Variants in FCHSD2 observed in about 807,000 individuals in gnomAD.
FCHSD2 encodes the protein F-BAR and double SH3 domains protein 2.
In FCHSD2, 38 loss-of-function variants were observed where a neutral mutation model predicts 108.1. The observed-to-expected ratio is 0.35, with a 90% CI of 0.27 to 0.46. FCHSD2 has a LOEUF of 0.46. Among genes scored for constraint, FCHSD2 ranks in the 20% least tolerant of loss-of-function variants. The pLI, the probability that FCHSD2 is intolerant of heterozygous loss-of-function variation, is 1.00. For synonymous variants in FCHSD2, 279 were observed against 314.7 expected (o/e 0.89, Z 1.20); for missense variants, 751 against 897.8 (o/e 0.84, Z 2.09).
At chr11:72,857,544 T>C (rs1047925697) in intron 13 of FCHSD2, among the ~76,000 whole-genome samples, 1 of 151,346 alleles carries the variant, frequency 6.6e-6, no homozygotes, top group Non-Finnish European at 1.5e-5. Context: ...GTTCAAGCGA[T>C]TCTCCTGCCT....
rs1290635089 is a variant in FCHSD2 at position 73,071,209 on chromosome 11, T to TA, written c.165+12485dup. Among the ~76,000 whole-genome samples the TA allele has an allele frequency of 2.0e-5, 3 of 152,358 alleles. No homozygotes were observed. In the South Asian group the frequency reaches 6.2e-4, roughly 32 times the overall value. The stretch of plus-strand genomic sequence containing the variant: ...TCCTGATCTCTCTACTCCCTCTTCC[T>TA]AGTTTTGCACTTCAGAGTTACAAAA... On this transcript the variant is annotated intron_variant, in intron 3 of 19. Transcript: ENST00000409418.
At chr11:72,969,496 G>A (rs982762708) in intron 8 of FCHSD2, among the ~76,000 whole-genome samples, 1 of 152,184 alleles carries the variant, frequency 6.6e-6, no homozygotes, top group Admixed American at 6.5e-5. Context: ...TTTGAGGGTA[G>A]AGAGTATTTG....
chr11:73,070,580 T>A (rs556680839), intron 3 of FCHSD2, among the ~76,000 whole-genome samples: 1 of 152,040 alleles, frequency 6.6e-6, no homozygotes, highest in Admixed American at 6.5e-5. Context: ...CCTGCCACCA[T>A]GTCTGGCTAA....
chr11:72,947,263 G>GT (rs1856538301), intron 8 of FCHSD2, among the ~76,000 whole-genome samples: 2 of 152,228 alleles, frequency 1.3e-5, no homozygotes, highest in Non-Finnish European at 2.9e-5. Context: ...AAGAAATGCT[G>GT]TGTGTCACAA....
intron 3 of FCHSD2, among the ~76,000 whole-genome samples, chr11:73,046,654 G>A (rs181367368): frequency 6.6e-4 from 101 of 152,108 alleles, no homozygotes; most frequent in Middle Eastern, 3.4e-3. Flanking sequence ...GATAGACTTC[G>A]CTTACAAGGA....
At chr11:72,892,693 C>T (rs1458779834) in intron 10 of FCHSD2, among the ~76,000 whole-genome samples, 1 of 152,086 alleles carries the variant, frequency 6.6e-6, no homozygotes, top group Non-Finnish European at 1.5e-5. Context: ...CAACCTCCAC[C>T]TCCTGGGTTC....
rs963077341 is a variant in FCHSD2 at position 72,837,135 on chromosome 11, TA to T, written c.*1655del. The stretch of plus-strand genomic sequence containing the variant: ...AATATGTTAGCAAACTTTAAAATCT[TA>T]AAAAAACCACCCTTTTAATTTCTTT... On this transcript the variant is annotated 3_prime_UTR_variant, in exon 20 of 20. Transcript: ENST00000409418. 3 of 152,074 alleles carry T rather than the reference TA, an allele frequency of 2.0e-5. No homozygotes were observed. The highest frequency in any genetic ancestry group is 1.9e-4 in the East Asian group (1 of 5,196). The allele number at this position is 152,074 out of a possible 1,614,324, so 9.4% of individuals were successfully genotyped here.
chr11:72,932,737 C>G (rs1856219590), intron 8 of FCHSD2, among the ~76,000 whole-genome samples: 1 of 152,052 alleles, frequency 6.6e-6, no homozygotes, highest in Admixed American at 6.6e-5. Context: ...TTTGTATGTC[C>G]CTCTTTTTGT....
chr11:73,010,486 A>G (rs1394913094), intron 4 of FCHSD2, among the ~76,000 whole-genome samples: 1 of 152,136 alleles, frequency 6.6e-6, no homozygotes, highest in African/African-American at 2.4e-5. Context: ...TCCTACATTG[A>G]TAACTGCACA....
chr11:72,949,654 C>T (rs964227473), intron 8 of FCHSD2, among the ~76,000 whole-genome samples: 2 of 152,176 alleles, frequency 1.3e-5, no homozygotes, highest in African/African-American at 4.8e-5. Flanking sequence ...TGGCTTCTTT[C>T]ACTTAACACA....
At chr11:73,006,538 A>G (rs942437945) in intron 4 of FCHSD2, among the ~76,000 whole-genome samples, 1 of 151,964 alleles carries the variant, frequency 6.6e-6, no homozygotes, top group Non-Finnish European at 1.5e-5. Context: ...CACTGTGACT[A>G]CCCCGCTTTG....
intron 1 of FCHSD2, among the ~76,000 whole-genome samples, chr11:73,140,739 C>A (rs1292924298): frequency 6.6e-6 from 1 of 152,344 alleles, no homozygotes; most frequent in East Asian, 1.9e-4. Flanking sequence ...TTTTAAACTA[C>A]CCCGGGAAGC....
chr11:72,907,598 G>GTTTTTTTT (rs200788964), intron 9 of FCHSD2, among the ~76,000 whole-genome samples: 2 of 72,712 alleles, frequency 2.8e-5, no homozygotes, highest in African/African-American at 6.3e-5. Context: ...TAATCACGTG[G>GTTTTTTTT]GTTTTTTTTT....
chr11:72,933,311 T>G (rs1165990463), intron 8 of FCHSD2, among the ~76,000 whole-genome samples: 1 of 152,144 alleles, frequency 6.6e-6, no homozygotes, highest in Non-Finnish European at 1.5e-5. Flanking sequence ...ACCAAGCAGA[T>G]AGTGCCTATC....
At position 72,967,790 on chromosome 11, in the gene FCHSD2, A is replaced by T. The variant is rs745875391; in HGVS notation, c.705+16298T>A. Among the ~76,000 whole-genome samples the T allele has an allele frequency of 1.1e-3, 168 of 152,064 alleles. 2 individuals are homozygous for T. The highest frequency in any genetic ancestry group is 7.5e-4 in the Non-Finnish European group (51 of 67,998). On this transcript the variant is annotated intron_variant, in intron 8 of 19. Transcript: ENST00000409418. ...ATGTGAATTATATCTAATTTTTTTT[A>T]AAAAGAAGTGGGCAGAGAGGCTGGG...
At chr11:73,120,830 C>T (rs1240060843) in intron 2 of FCHSD2, among the ~76,000 whole-genome samples, 1 of 147,624 alleles carries the variant, frequency 6.8e-6, no homozygotes, top group Non-Finnish European at 1.5e-5. Context: ...TGAAGATATA[C>T]CAAAAAAAAA....
chr11:72,846,230 G>A (rs544097569), intron 14 of FCHSD2, among the ~76,000 whole-genome samples: 6 of 150,732 alleles, frequency 4.0e-5, no homozygotes, highest in African/African-American at 1.5e-4. Context: ...GCCCAGGCTG[G>A]AGTGCAGTGG....
At chr11:72,846,811 G>A (rs538180041) in intron 14 of FCHSD2, among the ~76,000 whole-genome samples, 5 of 152,096 alleles carry the variant, frequency 3.3e-5, no homozygotes, top group African/African-American at 1.2e-4. Context: ...ATGCATAATT[G>A]AGCTCTTACG....
chr11:73,041,255 T>C (rs1232608112), intron 3 of FCHSD2, among the ~76,000 whole-genome samples: 2 of 152,322 alleles, frequency 1.3e-5, no homozygotes, highest in Non-Finnish European at 2.9e-5. Flanking sequence ...AGTAATGAGA[T>C]TGCTGGATCA....
Sources: gnomAD v4.1 joint callset for allele counts (sites outside exome capture counted in the v4.1 genomes callset) on GRCh38, gnomAD v4.1.1 for gene constraint, MANE v1.5 for transcripts, NCBI Gene and HGNC (gene_info 2026-07-23, HGNC 2026-07-21) for gene names.